The following KLHL3 variants were observed in gnomAD, a reference collection of about 807,000 sequenced individuals.
KLHL3 encodes kelch-like protein 3.
Under a neutral mutation model 70.5 loss-of-function variants are expected in KLHL3, and 19 were observed. The observed-to-expected ratio is 0.27, with a 90% CI of 0.19 to 0.40. The LOEUF is 0.40. KLHL3 is among the 10% of genes least tolerant of loss of function. The probability of loss-of-function intolerance (pLI) is 1.00; values close to 1 mark genes in which losing one functional copy is unlikely to be tolerated. For synonymous variants in KLHL3, 258 were observed against 290.3 expected (o/e 0.89, Z 1.13); for missense variants, 512 against 771.1 (o/e 0.66, Z 3.98).
At chr5:137,657,944 A>T (rs1307159719) in intron 8 of KLHL3, among the ~76,000 whole-genome samples, 187 bp downstream of exon 8, 1 of 152,152 alleles carries the variant, frequency 6.6e-6, no homozygotes, top group East Asian at 1.9e-4. Context: ...ACTCTTAGGA[A>T]AGGAAGACCC....
intron 1 of KLHL3, among the ~76,000 whole-genome samples, chr5:137,732,081 T>C (rs1274099747): frequency 1.3e-5 from 2 of 152,210 alleles, no homozygotes; most frequent in Admixed American, 6.5e-5. Flanking sequence ...GAAATTTTAT[T>C]TTAAGCTATC....
chr5:137,629,649 A>C (rs1186988948), intron 12 of KLHL3: 1 of 152,238 alleles, frequency 6.6e-6, no homozygotes, highest in African/African-American at 2.4e-5. Flanking sequence ...ATATTGCTTG[A>C]ATAACAAAAA....
intron 14 of KLHL3, among the ~76,000 whole-genome samples, chr5:137,623,701 A>G (rs767297562): frequency 6.6e-6 from 1 of 152,252 alleles, no homozygotes; most frequent in Non-Finnish European, 1.5e-5. Flanking sequence ...CATTTACTGC[A>G]TGGTGTCTAA....
At chr5:137,642,671 G>GA (rs1306731260) in intron 8 of KLHL3, among the ~76,000 whole-genome samples, 1 of 151,916 alleles carries the variant, frequency 6.6e-6, no homozygotes, top group Non-Finnish European at 1.5e-5. Flanking sequence ...TTTTAAAAAT[G>GA]AAAAAAGAAA....
chr5:137,662,091 T>G, intron 6 of KLHL3, 60 bp from the exon 7 acceptor site: 1 of 505,998 alleles, frequency 2.0e-6, no homozygotes, highest in Non-Finnish European at 3.3e-6. Flanking sequence ...CAAACAACCC[T>G]CAATCTGTAA....
chr5:137,629,413 A>G (rs1462254204), intron 12 of KLHL3: 1 of 152,170 alleles, frequency 6.6e-6, no homozygotes, highest in African/African-American at 2.4e-5. Flanking sequence ...CTGCATCTCA[A>G]TCGACTGGGA....
chr5:137,693,840 C>T (rs1321514940), intron 4 of KLHL3, among the ~76,000 whole-genome samples: 1 of 151,932 alleles, frequency 6.6e-6, no homozygotes, highest in African/African-American at 2.4e-5. Flanking sequence ...TTTCTTGATT[C>T]AGGACACTTG....
chr5:137,647,079 T>C (rs539631174), intron 8 of KLHL3, among the ~76,000 whole-genome samples: 1 of 152,264 alleles, frequency 6.6e-6, no homozygotes, highest in African/African-American at 2.4e-5. Flanking sequence ...GTAGCAGAGA[T>C]GGTTATTAGA....
At chr5:137,631,719 G>C (rs1750640641) in intron 12 of KLHL3, among the ~76,000 whole-genome samples, 1 of 152,202 alleles carries the variant, frequency 6.6e-6, no homozygotes, top group Admixed American at 6.5e-5. Flanking sequence ...GGATTAAATG[G>C]ATTGAGGCAT....
At chr5:137,696,962 A>G (rs958846712) in intron 4 of KLHL3, among the ~76,000 whole-genome samples, 1 of 152,002 alleles carries the variant, frequency 6.6e-6, no homozygotes, top group African/African-American at 2.4e-5. Context: ...TCTCACAGCC[A>G]TTTAACCAAG....
At chr5:137,701,919 C>A (rs1752577751) in intron 3 of KLHL3, among the ~76,000 whole-genome samples, 1 of 152,226 alleles carries the variant, frequency 6.6e-6, no homozygotes, top group South Asian at 2.1e-4. Flanking sequence ...ATCTTGTTAG[C>A]CCTTTCCATC....
intron 3 of KLHL3, 42 bp from the exon 4 acceptor site, chr5:137,698,450 C>T: frequency 6.2e-7 from 1 of 1,611,412 alleles, no homozygotes; most frequent in South Asian, 1.1e-5. Flanking sequence ...AATGTGGTAC[C>T]TGGGATATGT....
intron 12 of KLHL3, chr5:137,628,689 A>ATT (rs150356770): frequency 1.0e-5 from 3 of 294,316 alleles, no homozygotes; most frequent in Admixed American, 1.3e-4. Context: ...TTTAAAAAAC[A>ATT]TTAAAAAATA....
intron 1 of KLHL3, among the ~76,000 whole-genome samples, chr5:137,726,003 C>T (rs1413232829): frequency 6.6e-6 from 1 of 152,170 alleles, no homozygotes; most frequent in Non-Finnish European, 1.5e-5. Flanking sequence ...TTTCCCCTGA[C>T]TTAGACTATT....
chr5:137,683,278 C>T (rs1054210142), intron 5 of KLHL3, among the ~76,000 whole-genome samples: 2 of 151,932 alleles, frequency 1.3e-5, no homozygotes, highest in African/African-American at 4.8e-5. Flanking sequence ...TGAAATAAAC[C>T]CCATAAGCCC....
At chr5:137,625,700 C>T (rs1009617986) in intron 14 of KLHL3, 53 bp downstream of exon 14, 4 of 1,601,308 alleles carry the variant, frequency 2.5e-6, no homozygotes, top group Non-Finnish European at 3.4e-6. Flanking sequence ...AACCCTCATT[C>T]CCCCAGTGTG....
chr5:137,698,487 G>A, intron 3 of KLHL3, 79 bp from the exon 4 acceptor site: 1 of 1,545,284 alleles, frequency 6.5e-7, no homozygotes, highest in Non-Finnish European at 8.8e-7. Context: ...CTCCTGCCCT[G>A]TCTTGGAAAC....
At position 137,621,916 on chromosome 5, in the gene KLHL3, G is replaced by C. The variant is rs972044676; in HGVS notation, c.*182C>G. 7.5e-6 allele frequency: 5 copies of C among 667,952 alleles called. No homozygotes were observed. The highest frequency in any genetic ancestry group is 1.4e-5 in the Non-Finnish European group (5 of 368,352). 41.4% of individuals were successfully genotyped at this position (667,952 alleles called of 1,614,324 possible). A position where few individuals can be genotyped will look rare whatever the true frequency, so the allele number is the denominator to read the frequency against. ...ATAGGCCAGAGCACCTCAGGGGAAC[G>C]GGGGTGGGTAATGGTGTCCACACTG... is the stretch of plus-strand genomic sequence containing the variant. On this transcript the variant is annotated 3_prime_UTR_variant, in exon 15 of 15. Transcript: ENST00000309755.
intron 6 of KLHL3, chr5:137,677,272 C>T: frequency 4.0e-6 from 1 of 249,742 alleles, no homozygotes; most frequent in Non-Finnish European, 7.6e-6. Flanking sequence ...CATGGTGAAA[C>T]CCTGTCTCTA....
Sources: gnomAD v4.1 joint callset for allele counts (sites outside exome capture counted in the v4.1 genomes callset) on GRCh38, gnomAD v4.1.1 for gene constraint, MANE v1.5 for transcripts, NCBI Gene and HGNC (gene_info 2026-07-23, HGNC 2026-07-21) for gene names.